TPTE: variants seen among roughly 807,000 people sequenced by gnomAD.
TPTE encodes the protein transmembrane phosphatase with tensin homology.
In TPTE, 59 loss-of-function variants were observed where a neutral mutation model predicts 84.1. That is an observed-to-expected ratio of 0.70 (90% CI 0.57 to 0.87). The LOEUF (loss-of-function observed/expected upper bound fraction) is 0.87, where lower values mean the gene tolerates loss of function less well. Ranked by LOEUF, TPTE falls within the 40% of genes least tolerant of loss-of-function variation. The pLI is 0.00. For synonymous variants in TPTE, 130 were observed against 223.5 expected (o/e 0.58, Z 3.73); for missense variants, 382 against 659.6 (o/e 0.58, Z 4.61).
intron 3 of TPTE, among the ~76,000 whole-genome samples, chr21:10,537,886 A>C (rs1394062280): frequency 6.6e-6 from 1 of 152,300 alleles, no homozygotes. Context: ...AAAACAAAAA[A>C]CTTTGACACA....
intron 22 of TPTE, among the ~76,000 whole-genome samples, 159 bp downstream of exon 22, chr21:10,602,309 A>C (rs1386745627): frequency 6.6e-6 from 1 of 152,312 alleles, no homozygotes; most frequent in Non-Finnish European, 1.5e-5. Flanking sequence ...TATGTAATTT[A>C]AATAATTTTT....
chr21:10,562,901 G>A (rs1375145679), intron 10 of TPTE, among the ~76,000 whole-genome samples: 1 of 152,304 alleles, frequency 6.6e-6, no homozygotes, highest in African/African-American at 2.4e-5. Flanking sequence ...CCAAGTACAA[G>A]AAAGTTATAA....
intron 10 of TPTE, among the ~76,000 whole-genome samples, chr21:10,565,362 C>A (rs868664190): frequency 6.6e-6 from 1 of 152,304 alleles, no homozygotes; most frequent in Middle Eastern, 3.2e-3. Context: ...GAAGAGGACA[C>A]CAAAAAATGG....
chr21:10,594,318 C>A (rs536315862), intron 19 of TPTE, among the ~76,000 whole-genome samples: 5 of 152,418 alleles, frequency 3.3e-5, no homozygotes, highest in Admixed American at 3.3e-4. Context: ...ATTCTTAGAG[C>A]CCTTTGTGTT....
intron 3 of TPTE, among the ~76,000 whole-genome samples, chr21:10,536,452 A>T (rs1418530288): frequency 6.6e-6 from 1 of 152,304 alleles, no homozygotes; most frequent in Non-Finnish European, 1.5e-5. Flanking sequence ...AATTGACATC[A>T]ATGACCTATG....
intron 17 of TPTE, among the ~76,000 whole-genome samples, chr21:10,589,997 T>G: frequency 6.6e-6 from 1 of 152,426 alleles, no homozygotes; most frequent in Middle Eastern, 3.4e-3. Context: ...ACATGGTGTT[T>G]CTACATTGCT....
chr21:10,555,142 G>T (rs559717563), intron 8 of TPTE, among the ~76,000 whole-genome samples: 1 of 152,418 alleles, frequency 6.6e-6, no homozygotes, highest in African/African-American at 2.4e-5. Context: ...TAATATTTCT[G>T]CTTTTAATTC....
chr21:10,575,577 C>T (rs1600935293), intron 14 of TPTE, among the ~76,000 whole-genome samples: 1 of 152,312 alleles, frequency 6.6e-6, no homozygotes, highest in South Asian at 2.1e-4. Flanking sequence ...GAATGCCCAA[C>T]AGGGGTCTCC....
intron 3 of TPTE, among the ~76,000 whole-genome samples, chr21:10,535,055 A>G (rs1306706429): frequency 3.3e-5 from 5 of 152,308 alleles, no homozygotes; most frequent in African/African-American, 1.2e-4. Context: ...GCTATAAGGA[A>G]GAATCTGTTT....
chr21:10,567,604 T>C, intron 10 of TPTE, 66 bp from the exon 11 acceptor site: 1 of 1,591,544 alleles, frequency 6.3e-7, no homozygotes, highest in East Asian at 2.2e-5. Flanking sequence ...TAGTTTGTGG[T>C]CTTTAAATAT....
chr21:10,541,432 C>T (rs7283837), intron 5 of TPTE, among the ~76,000 whole-genome samples: 12,873 of 146,444 alleles, frequency 0.088, 6 homozygotes, highest in African/African-American at 0.21. Flanking sequence ...GAGAACATGC[C>T]GCTGCATTCC....
intron 23 of TPTE, among the ~76,000 whole-genome samples, chr21:10,603,973 T>C (rs113762393): frequency 0.012 from 1,817 of 149,122 alleles, no homozygotes; most frequent in African/African-American, 0.038. Flanking sequence ...TCCCTGTCAG[T>C]AGGTGTTGAT....
At chr21:10,533,762 C>T (rs2074221170) in intron 3 of TPTE, among the ~76,000 whole-genome samples, 2 of 152,426 alleles carry the variant, frequency 1.3e-5, no homozygotes, top group South Asian at 4.1e-4. Flanking sequence ...CCATGAAACA[C>T]TGACCAGGCA....
At position 10,558,928 on chromosome 21, in the gene TPTE, G is replaced by A. The variant is rs212130; in HGVS notation, c.234-566G>A. On this transcript the variant is annotated intron_variant, in intron 8 of 23. Coordinates refer to ENST00000618007, the MANE Select transcript of TPTE (RefSeq NM_199261.4). ...ATTAATGGAAGGAGCCCAGTCTTTC[G>A]GGTGTTTCTCCTTTGAAGTATATCT... Among the ~76,000 whole-genome samples the A allele has an allele frequency of 2.8e-3, 423 of 151,774 alleles. No individual in the cohort carries two copies. In the East Asian group the frequency reaches 0.041, roughly 15 times the overall value.
chr21:10,560,339 A>G (rs1420721741), intron 9 of TPTE, among the ~76,000 whole-genome samples: 3 of 152,304 alleles, frequency 2.0e-5, no homozygotes, highest in African/African-American at 7.2e-5. Flanking sequence ...TTTCCTTTTG[A>G]ATTAATAATA....
chr21:10,523,153 C>T (rs1316833954), intron 1 of TPTE, among the ~76,000 whole-genome samples: 4 of 152,300 alleles, frequency 2.6e-5, no homozygotes, highest in Non-Finnish European at 4.4e-5. Flanking sequence ...AATAATAATC[C>T]TCTCCATTAC....
At chr21:10,543,768 A>G (rs1311384826) in intron 7 of TPTE, among the ~76,000 whole-genome samples, 6 of 152,230 alleles carry the variant, frequency 3.9e-5, no homozygotes, top group Admixed American at 1.3e-4. Flanking sequence ...TAAGGGATTC[A>G]GGTTTCCTGA....
At chr21:10,534,706 A>G (rs532119982) in intron 3 of TPTE, among the ~76,000 whole-genome samples, 2 of 152,428 alleles carry the variant, frequency 1.3e-5, no homozygotes, top group East Asian at 1.9e-4. Flanking sequence ...ATACACACAA[A>G]TGTTAACTAT....
chr21:10,600,609 T>C (rs1404818074), intron 21 of TPTE, among the ~76,000 whole-genome samples: 1 of 152,422 alleles, frequency 6.6e-6, no homozygotes, highest in Non-Finnish European at 1.5e-5. Flanking sequence ...TAGCCCCCAA[T>C]AGTGCATAAC....
Sources: gnomAD v4.1 joint callset for allele counts (sites outside exome capture counted in the v4.1 genomes callset) on GRCh38, gnomAD v4.1.1 for gene constraint, MANE v1.5 for transcripts, NCBI Gene and HGNC (gene_info 2026-07-23, HGNC 2026-07-21) for gene names.